The following CRPPA variants were observed in gnomAD, a reference collection of about 807,000 sequenced individuals.
The protein encoded by CRPPA is D-ribitol-5-phosphate cytidylyltransferase.
A neutral mutation model predicts 52.0 loss-of-function variants in CRPPA; 43 were observed. The observed-to-expected ratio is 0.83, with a 90% CI of 0.65 to 1.07. The LOEUF is 1.07. CRPPA is among the 50% of genes least tolerant of loss of function. The pLI, the probability that CRPPA is intolerant of heterozygous loss-of-function variation, is 0.00. For missense variants in CRPPA, 629 were observed against 551.7 expected, an observed-to-expected ratio of 1.14 and a Z score of -1.40; for synonymous variants, 250 against 203.5, an observed-to-expected ratio of 1.23 and a Z score of -1.94.
intron 3 of CRPPA, among the ~76,000 whole-genome samples, chr7:16,359,875 A>G (rs1786396737): frequency 6.6e-6 from 1 of 152,196 alleles, no homozygotes; most frequent in Admixed American, 6.5e-5. Context: ...CTCTCAGACT[A>G]AAGCCTTTTT....
rs190856604 is a variant in CRPPA at position 16,269,231 on chromosome 7, T to C, written c.933+8898A>G. The stretch of plus-strand genomic sequence containing the variant: ...AGAGACGGTGAAAGACATGCGCAAA[T>C]GGATAAATAATAAGCAGGATATGTA... On this transcript the variant is annotated intron_variant, in intron 6 of 9. Coordinates refer to ENST00000407010, the MANE Select transcript of CRPPA (RefSeq NM_001101426.4). 7.9e-5 allele frequency: 12 copies of C among 151,726 alleles called. No individual in the cohort carries two copies. The East Asian group carries it at 2.3e-3, about 29-fold the overall frequency. 9.4% of individuals were successfully genotyped at this position (151,726 alleles called of 1,614,324 possible).
chr7:16,407,121 A>C (rs1314378663), intron 1 of CRPPA, among the ~76,000 whole-genome samples: 1 of 152,050 alleles, frequency 6.6e-6, no homozygotes, highest in African/African-American at 2.4e-5. Flanking sequence ...GATTACAGAC[A>C]CCCGCCACCA....
Position 16,134,419 on chromosome 7 carries a change from T to C in CRPPA, c.1252-42620A>G, listed in dbSNP as rs1782728240. Among the ~76,000 whole-genome samples the C allele has an allele frequency of 3.1e-5, 2 of 63,572 alleles. 1 individual carries two copies. The highest frequency in any genetic ancestry group is 8.8e-5 in the Non-Finnish European group (2 of 22,612). The allele number at this position is 63,572 out of a possible 152,430, so 41.7% of individuals were successfully genotyped here. A position where few individuals can be genotyped will look rare whatever the true frequency, so the allele number is the denominator to read the frequency against. ...CTGAAACCATCCTCCCACCGACCTC[T>C]GTCCATGGAAAAATTGTCTTCCATG... On this transcript the variant is annotated intron_variant, in intron 9 of 9. Coordinates refer to ENST00000407010, the MANE Select transcript of CRPPA (RefSeq NM_001101426.4).
intron 9 of CRPPA, among the ~76,000 whole-genome samples, chr7:16,129,025 A>G (rs1242084271): frequency 6.6e-6 from 1 of 152,132 alleles, no homozygotes; most frequent in Admixed American, 6.6e-5. Context: ...CTAAGAGTAA[A>G]AGCATATGAG....
chr7:16,099,522 A>C (rs527419001), intron 9 of CRPPA, among the ~76,000 whole-genome samples: 1 of 151,252 alleles, frequency 6.6e-6, no homozygotes, highest in East Asian at 2.0e-4. Flanking sequence ...GAAAGAGGGA[A>C]GGAGAAGGGA....
rs1486847227 is a variant in CRPPA at position 16,089,386 on chromosome 7, ATATG to A, written c.*2305_*2308del. On this transcript the variant is annotated 3_prime_UTR_variant, in exon 10 of 10. Coordinates refer to ENST00000407010, the MANE Select transcript of CRPPA (RefSeq NM_001101426.4). ...TACATGCATGTACATATATACGTAT[ATATG>A]TATGTACATAATGTGTATATATGTA... 12 of 377,212 alleles carry A rather than the reference ATATG, an allele frequency of 3.2e-5. No homozygotes were observed. Among genetic ancestry groups the A allele is most frequent in the Admixed American group, 1.7e-4 (7 of 40,988 alleles). The allele number at this position is 377,212 out of a possible 1,614,324, so 23.4% of individuals were successfully genotyped here. A position where few individuals can be genotyped will look rare whatever the true frequency, so the allele number is the denominator to read the frequency against.
At chr7:16,404,111 G>A (rs569978481) in intron 2 of CRPPA, among the ~76,000 whole-genome samples, 2 of 152,030 alleles carry the variant, frequency 1.3e-5, no homozygotes, top group Non-Finnish European at 2.9e-5. Context: ...TCTTAAACAT[G>A]GATGTATATA....
intron 8 of CRPPA, among the ~76,000 whole-genome samples, chr7:16,256,338 T>C (rs1462355188): frequency 1.3e-5 from 2 of 151,408 alleles, no homozygotes; most frequent in African/African-American, 2.5e-5. Flanking sequence ...TTGGTGACAT[T>C]GTGGAAGACA....
chr7:16,389,189 A>G (rs945877056), intron 2 of CRPPA, among the ~76,000 whole-genome samples: 29 of 152,370 alleles, frequency 1.9e-4, no homozygotes, highest in African/African-American at 6.7e-4. Context: ...TTTAAAGAAC[A>G]GTTAATACTA....
intron 8 of CRPPA, among the ~76,000 whole-genome samples, chr7:16,229,111 T>A (rs1012658827): frequency 2.0e-5 from 3 of 152,070 alleles, no homozygotes; most frequent in Non-Finnish European, 4.4e-5. Context: ...TACTTTTTTG[T>A]TGTTGTTTCA....
At chr7:16,281,582 G>A (rs1163749188) in intron 5 of CRPPA, among the ~76,000 whole-genome samples, 2 of 152,168 alleles carry the variant, frequency 1.3e-5, no homozygotes, top group Non-Finnish European at 1.5e-5. Flanking sequence ...ATAAGGCCCT[G>A]TCATATTGTC....
At chr7:16,207,690 T>C (rs1354535851) in intron 9 of CRPPA, among the ~76,000 whole-genome samples, 1 of 152,238 alleles carries the variant, frequency 6.6e-6, no homozygotes, top group Non-Finnish European at 1.5e-5. Context: ...ATTCAGTTTG[T>C]TCTTTTAGAC....
chr7:16,219,542 C>A (rs1782439216), intron 8 of CRPPA, among the ~76,000 whole-genome samples: 1 of 110,452 alleles, frequency 9.1e-6, no homozygotes, highest in Admixed American at 1.1e-4. Flanking sequence ...TGATAGACCG[C>A]TAGCAAGACT....
intron 2 of CRPPA, among the ~76,000 whole-genome samples, chr7:16,399,429 C>G (rs561271385): frequency 2.0e-5 from 3 of 151,526 alleles, no homozygotes; most frequent in African/African-American, 7.3e-5. Flanking sequence ...TGACAAGTGA[C>G]AAGATTGGCA....
In CRPPA at chr7:16,421,151, C is replaced by A; in HGVS notation, c.172G>T (p.Glu58Ter). Reference sequence around the variant, plus strand: ...TTCGGGGTGGGGACCCCCATCCTCTCCCCGCACCCCCCGGCAGGCAACACA... The same window carrying A: ...TTCGGGGTGGGGACCCCCATCCTCTACCCGCACCCCCCGGCAGGCAACACA... ...AAVLPAGGCG[E>*]RMGVPTPKQF... The change falls in exon 1 of 10, where the codon GAG (glutamate) becomes TAG (stop). Residue 58 changes from glutamate to a stop codon, truncating the protein, a stop_gained. Transcript: ENST00000407010. LOFTEE classifies it high-confidence loss of function. 2.2e-6 allele frequency: 3 copies of A among 1,335,148 alleles called. No individual in the cohort carries two copies. Among genetic ancestry groups the A allele is most frequent in the South Asian group, 4.2e-5 (2 of 47,542 alleles). 82.7% of individuals were successfully genotyped at this position (1,335,148 alleles called of 1,614,324 possible).
At chr7:16,259,060 A>G (rs750914736) in intron 6 of CRPPA, 48 bp from the exon 7 acceptor site, 2 of 1,280,532 alleles carry the variant, frequency 1.6e-6, no homozygotes, top group South Asian at 2.6e-5. Flanking sequence ...TAGACCAAAC[A>G]TAAACATCTT....
At chr7:16,322,327 T>C (rs1316536086) in intron 3 of CRPPA, among the ~76,000 whole-genome samples, 4 of 152,124 alleles carry the variant, frequency 2.6e-5, no homozygotes, top group Non-Finnish European at 5.9e-5. Context: ...TTGGGCAAGA[T>C]AGCTTTCAGA....
intron 3 of CRPPA, among the ~76,000 whole-genome samples, chr7:16,322,845 G>T (rs1457556775): frequency 6.6e-6 from 1 of 152,132 alleles, no homozygotes; most frequent in African/African-American, 2.4e-5. Flanking sequence ...AGGAAAAGAC[G>T]TTTAATTGAC....
At chr7:16,257,536 T>G (rs190813903) in intron 8 of CRPPA, among the ~76,000 whole-genome samples, 6 of 152,256 alleles carry the variant, frequency 3.9e-5, no homozygotes, top group Non-Finnish European at 7.4e-5. Context: ...TCTCCCATAG[T>G]TGCTAATTTG....
Sources: allele counts gnomAD v4.1 joint callset (sites outside exome capture counted in the v4.1 genomes callset), GRCh38; gene constraint gnomAD v4.1.1; transcripts MANE v1.5; gene names NCBI Gene and HGNC (gene_info 2026-07-23, HGNC 2026-07-21).